Variants in ARHGEF4 observed in about 807,000 individuals in gnomAD.
ARHGEF4 encodes the protein Rho guanine nucleotide exchange factor 4, also known as APC-stimulated guanine nucleotide exchange factor 1.
ARHGEF4 carries 119 observed loss-of-function variants against 162.0 expected under a neutral mutation model. That is an observed-to-expected ratio of 0.73 (90% confidence interval 0.63 to 0.86). ARHGEF4 has a LOEUF of 0.86. ARHGEF4 is among the 40% of genes least tolerant of loss of function. The probability of loss-of-function intolerance (pLI) is 0.00; values close to 1 mark genes in which losing one functional copy is unlikely to be tolerated. For synonymous variants in ARHGEF4, 1,014 were observed against 979.9 expected, an observed-to-expected ratio of 1.03 and a Z score of -0.65; for missense variants, 2,488 against 2,456.0, an observed-to-expected ratio of 1.01 and a Z score of -0.28.
At position 131,044,299 on chromosome 2, in the gene ARHGEF4, G is replaced by A. The variant is rs746160752; in HGVS notation, c.5158G>A (p.Asp1720Asn). The change falls in exon 12 of 14, where the codon GAC (aspartate) becomes AAC (asparagine). Residue 1720 changes from aspartate (D) to asparagine (N), a missense_variant and splice_region_variant. Asp to Asn is a conservative substitution (Grantham distance 23). This residue lies in a region of ARHGEF4 where 415 missense variants were observed against 512.4 expected (regional missense o/e 0.81). Transcript: ENST00000409359. ...FDHQLIYCKKDLLRRDVLYYK... is the reference protein window; with the variant it reads ...FDHQLIYCKKNLLRRDVLYYK... ...CAGGGCTGAGGCCAGCATCTGGCAGGACCTGCTCCGCCGCGACGTGTTGTA... is the reference window on the plus strand; with the variant it reads ...CAGGGCTGAGGCCAGCATCTGGCAGAACCTGCTCCGCCGCGACGTGTTGTA... 6.8e-6 allele frequency: 11 copies of A among 1,610,470 alleles called. No individual in the cohort carries two copies. The highest frequency in any genetic ancestry group is 9.3e-6 in the Non-Finnish European group (11 of 1,179,040).
intron 4 of ARHGEF4, among the ~76,000 whole-genome samples, chr2:130,981,123 T>C (rs6757439): frequency 0.038 from 5,748 of 152,262 alleles, 390 homozygotes; most frequent in African/African-American, 0.13. Context: ...CTCATAGCTC[T>C]GTAGATCATT....
Position 130,917,030 on chromosome 2 carries a change from G to A in ARHGEF4, c.3084G>A (p.Pro1028=), listed in dbSNP as rs1416972035. 7 of 1,550,874 alleles carry A rather than the reference G, an allele frequency of 4.5e-6. No homozygotes were observed. Among genetic ancestry groups the A allele is most frequent in the Non-Finnish European group, 6.1e-6 (7 of 1,147,074 alleles). The part of the protein sequence containing the change: ...VSPEHRRKSE[P]TIKCTATQEG... The stretch of plus-strand genomic sequence containing the variant: ...CAGAACACAGGAGGAAAAGTGAACC[G>A]ACCATCAAGTGCACAGCCACCCAGG... Residue 1028 remains proline (P), a synonymous_variant, in exon 2 of 14, where the codon CCG becomes CCA. Transcript: ENST00000409359.
chr2:130,873,832 T>C (rs1184981508), intron 1 of ARHGEF4, among the ~76,000 whole-genome samples: 3 of 152,108 alleles, frequency 2.0e-5, no homozygotes, highest in Admixed American at 2.0e-4. Flanking sequence ...AGTTCCCTGG[T>C]CCATCTGATT....
chr2:130,934,152 A>G (rs576867939), intron 3 of ARHGEF4, among the ~76,000 whole-genome samples: 1 of 152,320 alleles, frequency 6.6e-6, no homozygotes, highest in Non-Finnish European at 1.5e-5. Context: ...TAAGTGCATG[A>G]TCAATTTTGA....
chr2:130,853,100 C>T (rs1458507720), intron 1 of ARHGEF4, among the ~76,000 whole-genome samples: 3 of 152,212 alleles, frequency 2.0e-5, no homozygotes, highest in African/African-American at 7.2e-5. Flanking sequence ...GGCTGTTTCT[C>T]AAATGTCCTG....
chr2:131,037,772 G>A (rs73960398), intron 5 of ARHGEF4, among the ~76,000 whole-genome samples: 19,742 of 152,228 alleles, frequency 0.13, 1,605 homozygotes, highest in South Asian at 0.22. Flanking sequence ...ACACCACTCT[G>A]GAGCAAGGCA....
At chr2:130,854,069 A>C (rs906619706) in intron 1 of ARHGEF4, among the ~76,000 whole-genome samples, 1 of 152,212 alleles carries the variant, frequency 6.6e-6, no homozygotes, top group African/African-American at 2.4e-5. Context: ...ATGTGTGTGG[A>C]AATAACTTGG....
intron 1 of ARHGEF4, 34 bp from the exon 2 acceptor site, chr2:130,913,952 C>A: frequency 6.5e-7 from 1 of 1,535,562 alleles, no homozygotes; most frequent in South Asian, 1.2e-5. Context: ...GTACTCAGGC[C>A]TTGTCTCTGA....
chr2:130,883,589 G>A (rs1679330561), intron 1 of ARHGEF4, among the ~76,000 whole-genome samples: 1 of 152,100 alleles, frequency 6.6e-6, no homozygotes, highest in Non-Finnish European at 1.5e-5. Context: ...TAGTAGCTGG[G>A]ACCTGGGAAA....
intron 4 of ARHGEF4, among the ~76,000 whole-genome samples, chr2:131,010,568 G>C (rs553373606): frequency 6.6e-6 from 1 of 152,168 alleles, no homozygotes; most frequent in East Asian, 1.9e-4. Flanking sequence ...GGCCTCTGTC[G>C]AAGAGCAAGC....
intron 4 of ARHGEF4, among the ~76,000 whole-genome samples, chr2:130,949,332 GTTTT>G (rs1683810879): frequency 6.6e-6 from 1 of 152,014 alleles, no homozygotes; most frequent in Non-Finnish European, 1.5e-5. Flanking sequence ...TTGTTTGTTT[GTTTT>G]TTATTTACTT....
intron 3 of ARHGEF4, among the ~76,000 whole-genome samples, chr2:130,940,867 T>G (rs1329514789): frequency 6.7e-6 from 1 of 148,626 alleles, no homozygotes; most frequent in African/African-American, 2.5e-5. Context: ...AAAAGAAAAT[T>G]CATGGAGTAT....
chr2:130,994,649 T>C (rs1172938264), intron 4 of ARHGEF4, among the ~76,000 whole-genome samples: 1 of 152,204 alleles, frequency 6.6e-6, no homozygotes, highest in Non-Finnish European at 1.5e-5. Flanking sequence ...GCTTCCTGAA[T>C]CTCCACCTTC....
chr2:130,864,460 C>T (rs1371183678), intron 1 of ARHGEF4, among the ~76,000 whole-genome samples: 1 of 152,050 alleles, frequency 6.6e-6, no homozygotes, highest in East Asian at 1.9e-4. Context: ...CACGCTGGCT[C>T]ACGCCTATAA....
intron 1 of ARHGEF4, among the ~76,000 whole-genome samples, chr2:130,904,597 G>A (rs186897174): frequency 6.6e-5 from 10 of 152,226 alleles, no homozygotes; most frequent in South Asian, 6.2e-4. Context: ...AACATTGTAC[G>A]GACTACAAAG....
chr2:130,951,925 C>A (rs895309327), intron 4 of ARHGEF4, among the ~76,000 whole-genome samples: 3 of 152,144 alleles, frequency 2.0e-5, no homozygotes, highest in East Asian at 1.9e-4. Context: ...CATGTGTCAC[C>A]ATTTTCTTAG....
intron 1 of ARHGEF4, among the ~76,000 whole-genome samples, chr2:130,865,106 TC>T (rs1169076137): frequency 6.6e-6 from 1 of 152,202 alleles, no homozygotes; most frequent in Non-Finnish European, 1.5e-5. Context: ...GATTATGAAA[TC>T]TACAACCACA....
chr2:131,046,753 GC>G lies in ARHGEF4; in HGVS notation c.*568del, dbSNP rs1691293202. On this transcript the variant is annotated 3_prime_UTR_variant, in exon 14 of 14. Coordinates refer to ENST00000409359, the MANE Select transcript of ARHGEF4 (RefSeq NM_001367493.1). ...CCCGGAGCCCGCCCTTCGCCTCCCA[GC>G]CCCTCAAGACACCGCTGGCTGCTGG... 1 of 153,288 alleles carries G rather than the reference GC, an allele frequency of 6.5e-6. No homozygotes were observed. Among genetic ancestry groups the G allele is most frequent in the Admixed American group, 6.5e-5 (1 of 15,340 alleles). 9.5% of individuals were successfully genotyped at this position (153,288 alleles called of 1,614,324 possible).
chr2:130,979,530 A>G (rs149810991), intron 4 of ARHGEF4, among the ~76,000 whole-genome samples: 1,707 of 152,066 alleles, frequency 0.011, 31 homozygotes, highest in African/African-American at 0.04. Context: ...GAGGTCAGGA[A>G]TTCAAGAGCA....
Sources: allele counts gnomAD v4.1 joint callset (sites outside exome capture counted in the v4.1 genomes callset), GRCh38; gene constraint gnomAD v4.1.1; regional missense constraint gnomAD v4.1.1; transcripts MANE v1.5; gene names NCBI Gene and HGNC (gene_info 2026-07-23, HGNC 2026-07-21).